The following LRRC49 variants were observed in gnomAD, a reference collection of about 807,000 sequenced individuals.
LRRC49 encodes leucine-rich repeat-containing protein 49.
Under a neutral mutation model 83.3 loss-of-function variants are expected in LRRC49, and 50 were observed. That is an observed-to-expected ratio of 0.60 (90% CI 0.48 to 0.76). LRRC49 has a LOEUF of 0.76. LRRC49 is among the 30% of genes least tolerant of loss of function. The probability of loss-of-function intolerance (pLI) is 0.00; values close to 1 mark genes in which losing one functional copy is unlikely to be tolerated. For missense variants in LRRC49, 704 were observed against 809.1 expected, an observed-to-expected ratio of 0.87 and a Z score of 1.58; for synonymous variants, 286 against 283.3, an observed-to-expected ratio of 1.01 and a Z score of -0.10.
intron 2 of LRRC49, chr15:70,894,617 C>T (rs1330946335): frequency 1.4e-5 from 18 of 1,287,562 alleles, no homozygotes; most frequent in Non-Finnish European, 1.8e-5. Context: ...CAAGACACAA[C>T]ATGATTTTTC....
intron 8 of LRRC49, among the ~76,000 whole-genome samples, chr15:70,944,734 A>G (rs2035948876): frequency 6.6e-6 from 1 of 152,058 alleles, no homozygotes; most frequent in South Asian, 2.1e-4. Flanking sequence ...TATCATTTCT[A>G]TCTATTCAGT....
At chr15:70,996,151 A>T (rs879382238) in intron 11 of LRRC49, among the ~76,000 whole-genome samples, 1 of 152,094 alleles carries the variant, frequency 6.6e-6, no homozygotes, top group Non-Finnish European at 1.5e-5. Context: ...CACAGAAGAT[A>T]TTTATATATG....
chr15:70,911,024 A>C (rs1215730680), intron 5 of LRRC49, among the ~76,000 whole-genome samples: 2 of 152,228 alleles, frequency 1.3e-5, no homozygotes, highest in Non-Finnish European at 2.9e-5. Flanking sequence ...CTGAGACCTG[A>C]ATAATGTGAA....
chr15:70,917,498 A>G (rs1567051143), intron 6 of LRRC49, among the ~76,000 whole-genome samples: 1 of 152,214 alleles, frequency 6.6e-6, no homozygotes, highest in East Asian at 1.9e-4. Context: ...TGACAGCTGT[A>G]GAGACATTGG....
chr15:70,927,496 A>G (rs1422385146), intron 7 of LRRC49, among the ~76,000 whole-genome samples: 2 of 152,010 alleles, frequency 1.3e-5, no homozygotes, highest in East Asian at 1.9e-4. Flanking sequence ...TCAGTTTAGC[A>G]ATTTGTTTTT....
exon 2 of LRRC49, chr15:70,872,984 C>G: frequency 2.0e-6 from 1 of 504,956 alleles, no homozygotes. Context: ...CTCCCAGGTT[C>G]AAGCAATTCT....
chr15:70,919,000 T>C (rs779628961), intron 6 of LRRC49, 50 bp from the exon 7 acceptor site: 5 of 1,464,430 alleles, frequency 3.4e-6, no homozygotes, highest in Non-Finnish European at 4.7e-6. Context: ...AGAACATGTA[T>C]ATTTCAGGTT....
intron 14 of LRRC49, among the ~76,000 whole-genome samples, chr15:71,017,703 A>C (rs2038869990): frequency 6.6e-6 from 1 of 152,208 alleles, no homozygotes; most frequent in Non-Finnish European, 1.5e-5. Context: ...AAAAACCAAT[A>C]ATATCAATGA....
chr15:70,859,245 A>C, intron 1 of LRRC49: 3 of 1,081,436 alleles, frequency 2.8e-6, no homozygotes, highest in Non-Finnish European at 2.9e-6. Flanking sequence ...TTCAAGAACA[A>C]ATATGAGGAT....
chr15:71,024,409 G>T (rs2039091874), intron 14 of LRRC49, among the ~76,000 whole-genome samples: 1 of 152,132 alleles, frequency 6.6e-6, no homozygotes, highest in African/African-American at 2.4e-5. Context: ...GAAGGAGCAG[G>T]CAGTCATCTT....
chr15:70,956,287 T>C (rs181571534), intron 8 of LRRC49, among the ~76,000 whole-genome samples: 49 of 152,256 alleles, frequency 3.2e-4, no homozygotes, highest in Non-Finnish European at 6.0e-4. Flanking sequence ...TGAATTTTGG[T>C]CAGTAGGGAC....
chr15:70,917,158 G>A (rs553969484), intron 6 of LRRC49, among the ~76,000 whole-genome samples: 3 of 152,182 alleles, frequency 2.0e-5, no homozygotes, highest in African/African-American at 7.2e-5. Flanking sequence ...TCTGAGGGGG[G>A]CTGAGGGCAG....
intron 15 of LRRC49, among the ~76,000 whole-genome samples, chr15:71,040,910 C>T (rs2141304119): frequency 6.6e-6 from 1 of 151,998 alleles, no homozygotes; most frequent in East Asian, 1.9e-4. Context: ...TTGAGAGGCC[C>T]ACATGGCAGG....
At chr15:70,884,912 T>G in intron 2 of LRRC49, among the ~76,000 whole-genome samples, 1 of 152,186 alleles carries the variant, frequency 6.6e-6, no homozygotes. Flanking sequence ...TGATGTTGTC[T>G]TTTTATGTGT....
At chr15:70,861,677 G>C (rs1376719554) in intron 1 of LRRC49, among the ~76,000 whole-genome samples, 2 of 152,150 alleles carry the variant, frequency 1.3e-5, no homozygotes, top group Admixed American at 1.3e-4. Flanking sequence ...CACATACTTT[G>C]GAAAGTATAT....
At chr15:71,046,139 A>C (rs1424035791) in intron 15 of LRRC49, among the ~76,000 whole-genome samples, 1 of 152,156 alleles carries the variant, frequency 6.6e-6, no homozygotes, top group Non-Finnish European at 1.5e-5. Flanking sequence ...TGCTACTGTG[A>C]ATAGTGTAGC....
intron 1 of LRRC49, chr15:70,893,197 T>C (rs1313246465): frequency 5.1e-6 from 3 of 592,108 alleles, no homozygotes; most frequent in Non-Finnish European, 8.9e-6. Flanking sequence ...TTGGGTTTAT[T>C]TAAATTCCTT....
chr15:71,015,628 G>A (rs960623878), intron 14 of LRRC49, among the ~76,000 whole-genome samples: 1 of 152,228 alleles, frequency 6.6e-6, no homozygotes, highest in Non-Finnish European at 1.5e-5. Flanking sequence ...GCCCCAGGCT[G>A]TGGACTAGGG....
intron 15 of LRRC49, among the ~76,000 whole-genome samples, chr15:71,038,701 T>C (rs987803540): frequency 3.7e-4 from 56 of 152,180 alleles, no homozygotes; most frequent in African/African-American, 1.3e-3. Context: ...TTCTTACTGA[T>C]ATTAAGCTTA....
Sources: gnomAD v4.1 joint callset for allele counts (sites outside exome capture counted in the v4.1 genomes callset) on GRCh38, gnomAD v4.1.1 for gene constraint, MANE v1.5 for transcripts, NCBI Gene and HGNC (gene_info 2026-07-23, HGNC 2026-07-21) for gene names.